Variants in METAP1D observed in about 807,000 individuals in gnomAD.
The protein encoded by METAP1D is methionyl aminopeptidase type 1D, mitochondrial.
METAP1D carries 31 observed loss-of-function variants against 40.5 expected under a neutral mutation model. The ratio of observed to expected loss-of-function variants is 0.77; its 90% CI spans 0.58 to 1.03. The LOEUF (loss-of-function observed/expected upper bound fraction) is 1.03, where lower values mean the gene tolerates loss of function less well. Among genes scored for constraint, METAP1D ranks in the 50% least tolerant of loss-of-function variants. METAP1D has a pLI of 0.00. For synonymous variants in METAP1D, 151 were observed against 146.4 expected (o/e 1.03, Z -0.22); for missense variants, 411 against 420.7 (o/e 0.98, Z 0.20).
intron 1 of METAP1D, among the ~76,000 whole-genome samples, chr2:172,010,142 CT>C (rs570964028): frequency 4.0e-3 from 534 of 134,258 alleles, no homozygotes; most frequent in Middle Eastern, 7.8e-3. Context: ...TTTGTCCCTT[CT>C]TTTTTTTTTT....
At chr2:172,045,699 ATGTGTGTGTGTGTGTG>A (rs796722451) in intron 1 of METAP1D, among the ~76,000 whole-genome samples, 1 of 82,218 alleles carries the variant, frequency 1.2e-5, no homozygotes, top group Admixed American at 1.7e-4. Context: ...ATTCATATAT[ATGTGTGTGTGTGTGTG>A]TGTGTGTGTG....
chr2:172,067,794 C>T (rs148638318), intron 5 of METAP1D, among the ~76,000 whole-genome samples: 3,579 of 152,164 alleles, frequency 0.024, 69 homozygotes, highest in Admixed American at 0.071. Context: ...TTCACAATTG[C>T]AAAACTTATA....
At chr2:172,037,725 A>G (rs986394040) in intron 1 of METAP1D, among the ~76,000 whole-genome samples, 2 of 152,192 alleles carry the variant, frequency 1.3e-5, no homozygotes, top group South Asian at 2.1e-4. Context: ...TGAACACTTA[A>G]TATCTAGACC....
At chr2:172,012,806 T>G (rs1253583416) in intron 1 of METAP1D, among the ~76,000 whole-genome samples, 1 of 152,216 alleles carries the variant, frequency 6.6e-6, no homozygotes, top group Non-Finnish European at 1.5e-5. Flanking sequence ...GCATGCATAT[T>G]AATCATTCCT....
intron 8 of METAP1D, 34 bp from the exon 9 acceptor site, chr2:172,080,094 G>A (rs1338675201): frequency 6.5e-7 from 1 of 1,542,972 alleles, no homozygotes; most frequent in Admixed American, 1.8e-5. Flanking sequence ...AGAATCTGAT[G>A]AGGTCACTGC....
At chr2:172,031,861 A>T (rs950762287) in intron 1 of METAP1D, among the ~76,000 whole-genome samples, 1 of 152,190 alleles carries the variant, frequency 6.6e-6, no homozygotes, top group African/African-American at 2.4e-5. Context: ...GGGAATAACC[A>T]GTTGCTTCAT....
At chr2:172,047,893 T>C (rs1348264086) in intron 1 of METAP1D, among the ~76,000 whole-genome samples, 1 of 152,148 alleles carries the variant, frequency 6.6e-6, no homozygotes. Flanking sequence ...TAGAAAGATA[T>C]GATTCTTGAA....
intron 1 of METAP1D, among the ~76,000 whole-genome samples, chr2:172,029,423 AAAG>A (rs1429754860): frequency 6.6e-6 from 1 of 152,246 alleles, no homozygotes; most frequent in East Asian, 1.9e-4. Context: ...ACCTTGTCTC[AAAG>A]AAGAAGTACT....
chr2:172,046,045 T>A (rs2105450731), intron 1 of METAP1D, among the ~76,000 whole-genome samples: 1 of 149,662 alleles, frequency 6.7e-6, no homozygotes, highest in Non-Finnish European at 1.5e-5. Flanking sequence ...TGTAATGCTT[T>A]TTATTTTTTT....
intron 1 of METAP1D, among the ~76,000 whole-genome samples, chr2:172,059,238 A>T (rs1574133357): frequency 6.6e-6 from 1 of 151,524 alleles, no homozygotes; most frequent in African/African-American, 2.4e-5. Context: ...CCTCCCGAGT[A>T]GCTGGGATTA....
Position 172,045,695 on chromosome 2 carries a change from A to G in METAP1D, c.41-15803A>G, listed in dbSNP as rs1260988134. 4.0e-4 allele frequency among the ~76,000 whole-genome samples: 27 copies of G among 66,922 alleles called. 1 individual carries two copies. The highest frequency in any genetic ancestry group is 1.4e-3 in the African/African-American group (27 of 19,050). The allele number at this position is 66,922 out of a possible 152,430, so 43.9% of individuals were successfully genotyped here. ...AAAAAAAAAAAAAAGGATCATTCAT[A>G]TATATGTGTGTGTGTGTGTGTGTGT... On this transcript the variant is annotated intron_variant, in intron 1 of 9. Transcript: ENST00000315796.
intron 1 of METAP1D, among the ~76,000 whole-genome samples, chr2:172,021,253 A>G (rs1305724552): frequency 2.0e-5 from 3 of 152,228 alleles, no homozygotes; most frequent in African/African-American, 7.2e-5. Context: ...CTGGTATGGA[A>G]TGAGGAAGCT....
At position 172,074,309 on chromosome 2, in the gene METAP1D, A is replaced by AT. The variant is rs564649411; in HGVS notation, c.704+3242dup. Reference sequence around the variant, plus strand: ...TTCATAACTATATGTTTTGATATTAATTTGGAACAATATAAAGCAGATTTT... The same window carrying AT: ...TTCATAACTATATGTTTTGATATTAATTTTGGAACAATATAAAGCAGATTTT... On this transcript the variant is annotated intron_variant, in intron 6 of 9. Transcript: ENST00000315796. Among the ~76,000 whole-genome samples, 636 of 152,330 alleles carry AT rather than the reference A, an allele frequency of 4.2e-3. 31 individuals are homozygous for AT. The South Asian group carries it at 0.11, about 27-fold the overall frequency.
At chr2:172,058,762 C>G (rs748142731) in intron 1 of METAP1D, among the ~76,000 whole-genome samples, 2 of 152,158 alleles carry the variant, frequency 1.3e-5, no homozygotes, top group Non-Finnish European at 2.9e-5. Context: ...CCAAAAACAC[C>G]TCTATAAGTT....
intron 1 of METAP1D, among the ~76,000 whole-genome samples, chr2:172,035,221 G>GC (rs1689345068): frequency 6.6e-6 from 1 of 152,092 alleles, no homozygotes; most frequent in East Asian, 1.9e-4. Context: ...CTGGAGTGCA[G>GC]TGGCCCGATC....
chr2:172,000,031 C>T, intron 1 of METAP1D, 22 bp downstream of exon 1: 2 of 1,303,142 alleles, frequency 1.5e-6, no homozygotes, highest in Admixed American at 4.1e-5. Context: ...GAGGAGAGCC[C>T]CGTGAGGGTT....
At chr2:172,027,828 CA>C (rs1295784719) in intron 1 of METAP1D, among the ~76,000 whole-genome samples, 1 of 152,172 alleles carries the variant, frequency 6.6e-6, no homozygotes, top group Non-Finnish European at 1.5e-5. Flanking sequence ...GCTCATGTGA[CA>C]AGTTCTTTTG....
rs1046624182 is a variant in METAP1D, at chr2:172,032,844, C to T, written c.41-28654C>T. Among the ~76,000 whole-genome samples, 7 of 152,102 alleles carry T rather than the reference C, an allele frequency of 4.6e-5. No homozygotes were observed. In the East Asian group the frequency reaches 5.8e-4, roughly 13 times the overall value. On this transcript the variant is annotated intron_variant, in intron 1 of 9. Coordinates refer to ENST00000315796, the MANE Select transcript of METAP1D (RefSeq NM_199227.3). ...TTGGGAGGCCGAGGCAGGTGGATCA[C>T]GAGGTCAGGCGATGGAGACCATCCT...
At chr2:172,015,486 T>A (rs1416813436) in intron 1 of METAP1D, among the ~76,000 whole-genome samples, 1 of 152,154 alleles carries the variant, frequency 6.6e-6, no homozygotes, top group African/African-American at 2.4e-5. Context: ...GTCGCTTATA[T>A]TAATATTAGC....
Sources: gnomAD v4.1 joint callset for allele counts (sites outside exome capture counted in the v4.1 genomes callset) on GRCh38, gnomAD v4.1.1 for gene constraint, MANE v1.5 for transcripts, NCBI Gene and HGNC (gene_info 2026-07-23, HGNC 2026-07-21) for gene names.